FSTL5: variants seen among roughly 807,000 people sequenced by gnomAD.
The protein encoded by FSTL5 is follistatin-related protein 5.
Under a neutral mutation model 89.1 loss-of-function variants are expected in FSTL5, and 62 were observed. The observed-to-expected ratio is 0.70, with a 90% CI of 0.57 to 0.86. The LOEUF is 0.86. Ranked by LOEUF, FSTL5 falls within the 40% of genes least tolerant of loss-of-function variation. The probability of loss-of-function intolerance (pLI) is 0.00; values close to 1 mark genes in which losing one functional copy is unlikely to be tolerated. For missense variants in FSTL5, 1,057 were observed against 1,001.6 expected (o/e 1.06, Z -0.75); for synonymous variants, 383 against 346.2 (o/e 1.11, Z -1.18).
At chr4:162,029,186 TGC>T (rs758625157) in intron 3 of FSTL5, among the ~76,000 whole-genome samples, 49 of 150,298 alleles carry the variant, frequency 3.3e-4, no homozygotes, top group African/African-American at 9.9e-4. Flanking sequence ...TGTGTGTGTG[TGC>T]GTGTGTGTGT....
chr4:162,074,225 A>C (rs2111317213), intron 2 of FSTL5, among the ~76,000 whole-genome samples: 1 of 151,872 alleles, frequency 6.6e-6, no homozygotes, highest in African/African-American at 2.4e-5. Context: ...GAAAGTCTTA[A>C]AATTTTTACT....
intron 7 of FSTL5, among the ~76,000 whole-genome samples, chr4:161,606,996 G>T (rs562392891): frequency 6.6e-6 from 1 of 152,150 alleles, no homozygotes; most frequent in African/African-American, 2.4e-5. Flanking sequence ...CATTAGGAGA[G>T]GCTGCAAGGG....
intron 7 of FSTL5, among the ~76,000 whole-genome samples, chr4:161,651,922 G>A (rs1471275332): frequency 1.3e-5 from 2 of 152,160 alleles, no homozygotes; most frequent in Non-Finnish European, 2.9e-5. Flanking sequence ...ATATCAATTA[G>A]TCCCACACAT....
At chr4:161,620,604 C>T (rs891307365) in intron 7 of FSTL5, among the ~76,000 whole-genome samples, 2 of 151,984 alleles carry the variant, frequency 1.3e-5, no homozygotes, top group African/African-American at 2.4e-5. Context: ...TGAGATGAGC[C>T]GAGATCGCGC....
chr4:161,779,791 A>ATATATATGTATATATATATG (rs1741576118), intron 4 of FSTL5, among the ~76,000 whole-genome samples: 28 of 51,550 alleles, frequency 5.4e-4, no homozygotes, highest in Non-Finnish European at 8.1e-4. Context: ...ATATATATAT[A>ATATATATGTATATATATATG]TATATATATA....
At chr4:162,011,003 A>C (rs1053380773) in intron 3 of FSTL5, among the ~76,000 whole-genome samples, 2 of 152,196 alleles carry the variant, frequency 1.3e-5, no homozygotes, top group African/African-American at 4.8e-5. Flanking sequence ...AAAGATCATT[A>C]GTTTTTGAAG....
chr4:161,673,207 C>T (rs551371782), intron 6 of FSTL5, among the ~76,000 whole-genome samples: 9 of 151,950 alleles, frequency 5.9e-5, no homozygotes, highest in South Asian at 2.1e-4. Flanking sequence ...CACATGATTC[C>T]GCCTGTACCT....
intron 6 of FSTL5, among the ~76,000 whole-genome samples, chr4:161,725,255 A>C (rs533816553): frequency 1.8e-3 from 267 of 152,280 alleles, no homozygotes; most frequent in Non-Finnish European, 2.6e-3. Flanking sequence ...CACGAAGGTG[A>C]ATTATGATTT....
At chr4:161,442,425 A>G (rs2126371083) in intron 15 of FSTL5, among the ~76,000 whole-genome samples, 1 of 152,238 alleles carries the variant, frequency 6.6e-6, no homozygotes, top group South Asian at 2.1e-4. Context: ...TTTTGAGGTA[A>G]CTCAAGTGCC....
At chr4:161,811,517 C>T (rs1277541774) in intron 4 of FSTL5, among the ~76,000 whole-genome samples, 1 of 152,006 alleles carries the variant, frequency 6.6e-6, no homozygotes, top group Non-Finnish European at 1.5e-5. Flanking sequence ...TAGAGTTAAT[C>T]TTAAAATGAC....
intron 6 of FSTL5, among the ~76,000 whole-genome samples, chr4:161,749,968 T>C (rs1192484305): frequency 6.6e-6 from 1 of 151,970 alleles, no homozygotes; most frequent in Non-Finnish European, 1.5e-5. Flanking sequence ...ACAGCATATA[T>C]CCATGTGACA....
rs139730806 is a variant in FSTL5, at chr4:161,564,199, T to C, written c.1016-21506A>G. Among the ~76,000 whole-genome samples the C allele has an allele frequency of 1.3e-4, 19 of 151,518 alleles. No individual in the cohort carries two copies. In the East Asian group the frequency reaches 3.5e-3, roughly 28 times the overall value. On this transcript the variant is annotated intron_variant, in intron 8 of 15. Coordinates refer to ENST00000306100, the MANE Select transcript of FSTL5 (RefSeq NM_020116.5). ...ATGTATATTATCAGAACCATCAAAT[T>C]ATAAATTATGCATGTGTATATATGC...
At chr4:161,429,317 T>G (rs1732273343) in intron 15 of FSTL5, among the ~76,000 whole-genome samples, 1 of 152,156 alleles carries the variant, frequency 6.6e-6, no homozygotes, top group Non-Finnish European at 1.5e-5. Flanking sequence ...GATATAAGCC[T>G]TGTTGGCTTT....
chr4:161,819,844 C>T (rs1314123841), intron 4 of FSTL5, among the ~76,000 whole-genome samples: 2 of 151,998 alleles, frequency 1.3e-5, no homozygotes, highest in East Asian at 1.9e-4. Context: ...ATTTTGTTCA[C>T]ATCTTCTGCA....
chr4:161,889,053 TAA>T (rs923492906), intron 4 of FSTL5, among the ~76,000 whole-genome samples: 93 of 152,260 alleles, frequency 6.1e-4, no homozygotes, highest in South Asian at 4.8e-3. Context: ...ACAAAATATA[TAA>T]GTTACTTTGC....
At chr4:161,956,672 C>A (rs1273323760) in intron 3 of FSTL5, among the ~76,000 whole-genome samples, 2 of 151,782 alleles carry the variant, frequency 1.3e-5, no homozygotes, top group African/African-American at 4.8e-5. Context: ...ATGCAAATGT[C>A]TCTGGGAAAA....
chr4:161,748,613 T>A (rs888752567), intron 6 of FSTL5, among the ~76,000 whole-genome samples: 8 of 149,700 alleles, frequency 5.3e-5, no homozygotes, highest in African/African-American at 1.5e-4. Context: ...CACGTTTTTT[T>A]TTTTTTTTTT....
At chr4:161,595,337 ACC>A (rs1003939547) in intron 7 of FSTL5, among the ~76,000 whole-genome samples, 10 of 96,900 alleles carry the variant, frequency 1.0e-4, no homozygotes, top group African/African-American at 3.1e-4. Context: ...CTTGTTCTGA[ACC>A]CCTGTTACAC....
intron 1 of FSTL5, among the ~76,000 whole-genome samples, chr4:162,144,841 G>A (rs960589375): frequency 5.3e-5 from 8 of 151,916 alleles, no homozygotes; most frequent in Admixed American, 5.2e-4. Context: ...AACGTATGCT[G>A]TCTAATGTAA....
Sources: allele counts gnomAD v4.1 joint callset (sites outside exome capture counted in the v4.1 genomes callset), GRCh38; gene constraint gnomAD v4.1.1; transcripts MANE v1.5; gene names NCBI Gene and HGNC (gene_info 2026-07-23, HGNC 2026-07-21).